JHY: variants seen among roughly 807,000 people sequenced by gnomAD.
The protein encoded by JHY is junctional cadherin complex regulator.
A neutral mutation model predicts 78.0 loss-of-function variants in JHY; 69 were observed. The ratio of observed to expected loss-of-function variants is 0.88; its 90% CI spans 0.73 to 1.08. The LOEUF is 1.08. Ranked by LOEUF, JHY falls within the 50% of genes least tolerant of loss-of-function variation. The pLI, the probability that JHY is intolerant of heterozygous loss-of-function variation, is 0.00. For missense variants in JHY, 944 were observed against 927.8 expected (o/e 1.02, Z -0.23); for synonymous variants, 368 against 342.6 (o/e 1.07, Z -0.82).
At chr11:122,912,762 T>C (rs930371596) in intron 3 of JHY, among the ~76,000 whole-genome samples, 5 of 152,004 alleles carry the variant, frequency 3.3e-5, no homozygotes, top group African/African-American at 9.7e-5. Flanking sequence ...AGAATTAAGA[T>C]TAAGAATAAA....
At chr11:122,936,717 C>T (rs917857120) in intron 5 of JHY, among the ~76,000 whole-genome samples, 6 of 152,116 alleles carry the variant, frequency 3.9e-5, no homozygotes, top group African/African-American at 1.4e-4. Flanking sequence ...CCCAATTTGT[C>T]ATACTGCATT....
Position 122,896,893 on chromosome 11 carries a change from A to G in JHY, c.345-7032A>G, listed in dbSNP as rs149295662. Reference sequence around the variant, plus strand: ...GTTTTTTGAGACAGAGTCTCACTCTATTGCCCAGGCTGGAGTGCAATGGCA... The same window carrying G: ...GTTTTTTGAGACAGAGTCTCACTCTGTTGCCCAGGCTGGAGTGCAATGGCA... On this transcript the variant is annotated intron_variant, in intron 2 of 8. Transcript: ENST00000227349. Among the ~76,000 whole-genome samples, 1,270 of 152,100 alleles carry G rather than the reference A, an allele frequency of 8.3e-3. 14 individuals carry two copies. Among genetic ancestry groups the G allele is most frequent in the African/African-American group, 0.029 (1,206 of 41,488 alleles).
intron 2 of JHY, among the ~76,000 whole-genome samples, chr11:122,897,255 C>T (rs577723608): frequency 8.6e-5 from 13 of 152,030 alleles, no homozygotes; most frequent in African/African-American, 2.7e-4. Context: ...GATAGGGTGT[C>T]GCTGTGTTGC....
chr11:122,936,069 G>T (rs1289730422), intron 5 of JHY, among the ~76,000 whole-genome samples: 1 of 152,180 alleles, frequency 6.6e-6, no homozygotes, highest in Non-Finnish European at 1.5e-5. Context: ...TATATTTTCA[G>T]AACAGTTCAA....
At chr11:122,900,012 G>A (rs978959703) in intron 2 of JHY, among the ~76,000 whole-genome samples, 2 of 152,204 alleles carry the variant, frequency 1.3e-5, no homozygotes, top group Non-Finnish European at 1.5e-5. Flanking sequence ...GCATCACTTG[G>A]GAGAAACCTC....
intron 3 of JHY, among the ~76,000 whole-genome samples, chr11:122,923,049 C>T (rs1019596258): frequency 5.3e-5 from 8 of 152,116 alleles, no homozygotes; most frequent in Non-Finnish European, 7.4e-5. Flanking sequence ...AGAGAGTGGG[C>T]AGAGGAGGCT....
At chr11:122,893,838 G>T (rs911474064) in intron 2 of JHY, among the ~76,000 whole-genome samples, 1 of 152,136 alleles carries the variant, frequency 6.6e-6, no homozygotes, top group Non-Finnish European at 1.5e-5. Context: ...GCTGTCAAAG[G>T]TCAGCCCATT....
chr11:122,948,771 G>A (rs935028288), intron 6 of JHY, among the ~76,000 whole-genome samples: 7 of 152,046 alleles, frequency 4.6e-5, no homozygotes, highest in Non-Finnish European at 1.0e-4. Flanking sequence ...CTTAGAGGGT[G>A]ATGAAGAGTT....
chr11:122,904,536 A>T, intron 3 of JHY, 92 bp downstream of exon 3: 1 of 1,402,762 alleles, frequency 7.1e-7, no homozygotes, highest in Non-Finnish European at 9.7e-7. Flanking sequence ...CTTTAAGATG[A>T]CGATGTCATA....
Position 122,960,476 on chromosome 11 carries a change from T to C in JHY, c.*1031T>C. On this transcript the variant is annotated 3_prime_UTR_variant, in exon 9 of 9. Transcript: ENST00000227349. ...CCCCTCTACCACCTCTTCCTTCCTT[T>C]TCCTATAGAGGAAAAGTTCGTTTTG... The C allele has an allele frequency of 4.3e-6, 1 of 235,290 alleles. No individual in the cohort carries two copies. The allele number at this position is 235,290 out of a possible 1,614,324, so 14.6% of individuals were successfully genotyped here.
chr11:122,957,660 G>A (rs1591403511), intron 8 of JHY, among the ~76,000 whole-genome samples, 169 bp downstream of exon 8: 1 of 147,672 alleles, frequency 6.8e-6, no homozygotes, highest in South Asian at 2.1e-4. Flanking sequence ...CTCCCCAAGT[G>A]TTGGGAGAGG....
rs1211144869 is a variant in JHY, at chr11:122,934,687, A to G, written c.1246A>G (p.Ile416Val). The change falls in exon 5 of 9, where the codon ATT (isoleucine) becomes GTT (valine). Residue 416 changes from isoleucine (I) to valine (V), a missense_variant. Coordinates refer to ENST00000227349, the MANE Select transcript of JHY (RefSeq NM_024806.4). ...TTCAACAAAGCCTGAATCGATTGTG[A>G]TTATGCATGCCTCTAACAATGATGT... ...DTSTKPESIV[I>V]MHASNNDVQA... is the part of the protein sequence containing the mutation. The G allele has an allele frequency of 6.2e-7, 1 of 1,614,168 alleles. No homozygotes were observed. Among genetic ancestry groups the G allele is most frequent in the Non-Finnish European group, 8.5e-7 (1 of 1,180,030 alleles).
In JHY at chr11:122,957,517, A is replaced by C. The variant is rs779985991; in HGVS notation, c.2139+26A>C. On this transcript the variant is annotated intron_variant, in intron 8 of 8. Transcript: ENST00000227349. ...GTAAGAAATTCTCAACAAGGCATTT[A>C]TTTTTTCAAGCAGAATTAAAAGGAA... 29 of 1,473,836 alleles carry C rather than the reference A, an allele frequency of 2.0e-5. No individual in the cohort carries two copies. In the South Asian group the frequency reaches 3.8e-4, roughly 19 times the overall value. 91.3% of individuals were successfully genotyped at this position (1,473,836 alleles called of 1,614,324 possible). A position where few individuals can be genotyped will look rare whatever the true frequency, so the allele number is the denominator to read the frequency against.
At chr11:122,948,872 C>G (rs1468744830) in intron 6 of JHY, among the ~76,000 whole-genome samples, 1 of 151,732 alleles carries the variant, frequency 6.6e-6, no homozygotes, top group Non-Finnish European at 1.5e-5. Context: ...GGTCACAAGG[C>G]CAGGAGTTTG....
rs1057704 is a variant in JHY at position 122,959,566 on chromosome 11, T to C, written c.*121T>C. 0.55 allele frequency: 525,478 copies of C among 960,236 alleles called. 147,174 individuals carry two copies. The highest frequency in any genetic ancestry group is 0.58 in the Non-Finnish European group (379,446 of 656,180). The allele number at this position is 960,236 out of a possible 1,614,324, so 59.5% of individuals were successfully genotyped here. On this transcript the variant is annotated 3_prime_UTR_variant, in exon 9 of 9. Coordinates refer to ENST00000227349, the MANE Select transcript of JHY (RefSeq NM_024806.4). ...ATTATTATCATCTATCTGCCGTCCA[T>C]GTTTGCTTTCTGCAGGATTTAAAAT...
intron 4 of JHY, among the ~76,000 whole-genome samples, chr11:122,932,650 A>G (rs1591389548): frequency 6.6e-6 from 1 of 152,190 alleles, no homozygotes; most frequent in East Asian, 1.9e-4. Flanking sequence ...CAAGGGGGGC[A>G]TTTTTGACCT....
At chr11:122,938,956 G>T (rs971448151) in intron 5 of JHY, among the ~76,000 whole-genome samples, 4 of 151,426 alleles carry the variant, frequency 2.6e-5, no homozygotes, top group Admixed American at 2.0e-4. Flanking sequence ...ACAAAATGGA[G>T]AAGATGATCT....
chr11:122,899,231 G>C (rs1015191782), intron 2 of JHY, among the ~76,000 whole-genome samples: 2 of 152,082 alleles, frequency 1.3e-5, no homozygotes, highest in Admixed American at 6.6e-5. Context: ...ATAAATACCT[G>C]CTGAATCAAT....
intron 3 of JHY, among the ~76,000 whole-genome samples, chr11:122,912,104 T>C (rs913198241): frequency 3.4e-4 from 51 of 151,732 alleles, no homozygotes; most frequent in African/African-American, 1.1e-3. Flanking sequence ...CTGGACAACA[T>C]GGTGAAACCC....
Sources: gnomAD v4.1 joint callset for allele counts (sites outside exome capture counted in the v4.1 genomes callset) on GRCh38, gnomAD v4.1.1 for gene constraint, MANE v1.5 for transcripts, NCBI Gene and HGNC (gene_info 2026-07-23, HGNC 2026-07-21) for gene names.